ADAMTS7: variants seen among roughly 807,000 people sequenced by gnomAD.
The protein encoded by ADAMTS7 is ADAM metallopeptidase with thrombospondin type 1 motif 7, also known as A disintegrin and metalloproteinase with thrombospondin motifs 7.
In ADAMTS7, 89 loss-of-function variants were observed where a neutral mutation model predicts 172.6. That is an observed-to-expected ratio of 0.52 (90% CI 0.43 to 0.61). ADAMTS7 has a LOEUF of 0.61. Ranked by LOEUF, ADAMTS7 falls within the 20% of genes least tolerant of loss-of-function variation. The pLI is 0.00. For synonymous variants in ADAMTS7, 885 were observed against 978.4 expected (o/e 0.90, Z 1.78); for missense variants, 1,973 against 2,355.6 (o/e 0.84, Z 3.36).
At chr15:78,778,521 C>T (rs994667612) in intron 8 of ADAMTS7, among the ~76,000 whole-genome samples, 1 of 152,224 alleles carries the variant, frequency 6.6e-6, no homozygotes, top group African/African-American at 2.4e-5. Flanking sequence ...TGGCTCATTG[C>T]TGTCCTGGAG....
chr15:78,783,603 TA>T (rs1446199831), intron 8 of ADAMTS7, among the ~76,000 whole-genome samples: 3 of 152,232 alleles, frequency 2.0e-5, no homozygotes, highest in East Asian at 1.9e-4. Context: ...ATGAAACAAA[TA>T]TTTTTTTAAA....
chr15:78,775,427 G>T (rs555241800), intron 11 of ADAMTS7, among the ~76,000 whole-genome samples: 56 of 152,188 alleles, frequency 3.7e-4, no homozygotes, highest in Admixed American at 7.8e-4. Flanking sequence ...AGGGCCCTGG[G>T]TGGGGCTGGC....
intron 2 of ADAMTS7, among the ~76,000 whole-genome samples, chr15:78,798,820 C>T (rs1481558861): frequency 6.6e-6 from 1 of 152,180 alleles, no homozygotes; most frequent in African/African-American, 2.4e-5. Flanking sequence ...GTTTTATGTC[C>T]CTCGGACTTC....
rs1238020012 is a variant in ADAMTS7, at chr15:78,771,114, C to T, written c.2518+48G>A. ...GGGAGCTGAAGCCAGTGTCCCTGTC[C>T]AGACACTAAGCCCCTGCAGGTGGGG... On this transcript the variant is annotated intron_variant, in intron 16 of 23. Transcript: ENST00000388820. This position sits in a 1 kb window ranked among gnomAD's most constrained non-coding sequence, Gnocchi z 4.9. The T allele has an allele frequency of 1.9e-6, 3 of 1,541,180 alleles. No homozygotes were observed. Among genetic ancestry groups the T allele is most frequent in the South Asian group, 1.2e-5 (1 of 83,154 alleles).
chr15:78,771,534 C>A lies in ADAMTS7; in HGVS notation c.2376+51G>T. On this transcript the variant is annotated intron_variant, in intron 15 of 23. Coordinates refer to ENST00000388820, the MANE Select transcript of ADAMTS7 (RefSeq NM_014272.5). This position sits in a 1 kb window ranked among gnomAD's most constrained non-coding sequence, Gnocchi z 4.9. ...GAGACCTGCCATGGAGGGTGCTGGG[C>A]CTGGGGACTCCGCCTCTGCTCCCCC... 6.4e-7 allele frequency: 1 copy of A among 1,555,506 alleles called. No homozygotes were observed. The highest frequency in any genetic ancestry group is 1.4e-5 in the African/African-American group (1 of 73,822).
intron 8 of ADAMTS7, among the ~76,000 whole-genome samples, chr15:78,782,034 G>T (rs1424929770): frequency 2.6e-5 from 4 of 151,966 alleles, no homozygotes; most frequent in Admixed American, 1.3e-4. Flanking sequence ...CCACAGTCTA[G>T]GTTCTTTTTT....
chr15:78,760,070 C>T (rs1223873777), intron 23 of ADAMTS7, among the ~76,000 whole-genome samples: 11 of 150,322 alleles, frequency 7.3e-5, no homozygotes, highest in Non-Finnish European at 1.5e-4. Context: ...AGGGGCTGTA[C>T]TCAGCCTCGG....
At chr15:78,811,029 G>C in intron 1 of ADAMTS7, 92 bp downstream of exon 1, 1 of 1,188,856 alleles carries the variant, frequency 8.4e-7, no homozygotes, top group Non-Finnish European at 1.1e-6. Context: ...GAGCCGGCGC[G>C]GGGTCCACAA....
At chr15:78,810,497 CG>C (rs1223220213) in intron 1 of ADAMTS7, 1 of 152,342 alleles carries the variant, frequency 6.6e-6, no homozygotes, top group Non-Finnish European at 1.5e-5. Context: ...AACCCATGGC[CG>C]GGAAAAGAAG....
In ADAMTS7 at chr15:78,766,783, T is replaced by C. The variant is rs768361957; in HGVS notation, c.3128A>G (p.Asn1043Ser). 1.1e-5 allele frequency: 17 copies of C among 1,610,454 alleles called. No individual in the cohort carries two copies. The highest frequency in any genetic ancestry group is 6.7e-5 in the East Asian group (3 of 44,884). Reference sequence around the variant, plus strand: ...CTCTGGAGCCTCCTCCTCAATGGCGTTGCCCATGGTGCCTGGCTTGGGTGA... The same window carrying C: ...CTCTGGAGCCTCCTCCTCAATGGCGCTGCCCATGGTGCCTGGCTTGGGTGA... ...ASSPKPGTMG[N>S]AIEEEAPELD... Residue 1043 changes from asparagine (N) to serine (S), a missense_variant, in exon 19 of 24, where the codon AAC (asparagine) becomes AGC (serine). Physicochemically the swap from Asn to Ser is conservative, Grantham distance 46 (BLOSUM62 1). Transcript: ENST00000388820.
At chr15:78,802,842 CA>C (rs2055743668) in intron 1 of ADAMTS7, among the ~76,000 whole-genome samples, 1 of 151,970 alleles carries the variant, frequency 6.6e-6, no homozygotes, top group South Asian at 2.1e-4. Flanking sequence ...ACTAAACATG[CA>C]AAAATTAGCC....
intron 11 of ADAMTS7, among the ~76,000 whole-genome samples, chr15:78,775,183 C>T (rs1432948834): frequency 9.2e-5 from 14 of 152,050 alleles, no homozygotes; most frequent in African/African-American, 3.4e-4. Flanking sequence ...CTCCGAGTCT[C>T]CAGCCCATGA....
intron 12 of ADAMTS7, 134 bp from the exon 13 acceptor site, chr15:78,774,434 G>A (rs1007670563): frequency 3.0e-5 from 42 of 1,377,996 alleles, no homozygotes; most frequent in Non-Finnish European, 4.0e-5. Context: ...TGGAGGCTCC[G>A]GCTGGGCTGA....
In ADAMTS7 at chr15:78,777,432, G is replaced by A. The variant is rs1374970417; in HGVS notation, c.1467+12C>T. Reference sequence around the variant, plus strand: ...GTCCCCACACCCCCACACCCACACCGGCCCCACTCACATCCATGTCCTCGC... The same window carrying A: ...GTCCCCACACCCCCACACCCACACCAGCCCCACTCACATCCATGTCCTCGC... On this transcript the variant is annotated intron_variant, in intron 9 of 23. Coordinates refer to ENST00000388820, the MANE Select transcript of ADAMTS7 (RefSeq NM_014272.5). 26 of 1,609,940 alleles carry A rather than the reference G, an allele frequency of 1.6e-5. No homozygotes were observed. Among genetic ancestry groups the A allele is most frequent in the Non-Finnish European group, 2.0e-5 (23 of 1,178,588 alleles).
At chr15:78,810,325 A>G (rs2055847968) in intron 1 of ADAMTS7, among the ~76,000 whole-genome samples, 1 of 152,360 alleles carries the variant, frequency 6.6e-6, no homozygotes, top group South Asian at 2.1e-4. Flanking sequence ...GAGCTCCCTG[A>G]GCACCGGGCC....
rs528774660 is a variant in ADAMTS7, at chr15:78,766,340, C to T, written c.3571G>A (p.Glu1191Lys). 6.2e-7 allele frequency: 1 copy of T among 1,610,948 alleles called. No homozygotes were observed. The highest frequency in any genetic ancestry group is 8.5e-7 in the Non-Finnish European group (1 of 1,179,924). Reference sequence around the variant, plus strand: ...CCAACTGGGAAATCATTTTGGCTCTCAGGGGTGGCAGGTGTCTGCAGGCCA... The same window carrying T: ...CCAACTGGGAAATCATTTTGGCTCTTAGGGGTGGCAGGTGTCTGCAGGCCA... ...TDGLQTPATP[E>K]SQNDFPVGKD... is the part of the protein sequence containing the mutation. Residue 1191 changes from glutamate (E) to lysine (K), a missense_variant, in exon 19 of 24, where the codon GAG (glutamate) becomes AAG (lysine). By Grantham distance (56) the Glu-to-Lys change is moderately conservative. This residue lies in a region of ADAMTS7 where 771 missense variants were observed against 952.6 expected (regional missense o/e 0.81). Coordinates refer to ENST00000388820, the MANE Select transcript of ADAMTS7 (RefSeq NM_014272.5).
chr15:78,761,031 T>C (rs980566950), intron 23 of ADAMTS7, among the ~76,000 whole-genome samples: 16 of 152,132 alleles, frequency 1.1e-4, no homozygotes, highest in African/African-American at 3.6e-4. Flanking sequence ...GTGAGAGACG[T>C]GGTGCCAGCA....
intron 8 of ADAMTS7, among the ~76,000 whole-genome samples, chr15:78,778,073 C>A (rs2055378066): frequency 6.6e-6 from 1 of 152,232 alleles, no homozygotes; most frequent in South Asian, 2.1e-4. Flanking sequence ...AGCAGCCCCT[C>A]CCCTGGGAGA....
chr15:78,782,846 A>G (rs1468418928), intron 8 of ADAMTS7, among the ~76,000 whole-genome samples: 1 of 151,992 alleles, frequency 6.6e-6, no homozygotes, highest in African/African-American at 2.4e-5. Flanking sequence ...CCCCTCCCCA[A>G]CCCTGAGTAG....
Sources: gnomAD v4.1 joint callset for allele counts (sites outside exome capture counted in the v4.1 genomes callset) on GRCh38, gnomAD v4.1.1 for gene constraint, gnomAD v4.1.1 regional missense constraint, Gnocchi (gnomAD v3.1) non-coding constraint, MANE v1.5 for transcripts, NCBI Gene and HGNC (gene_info 2026-07-23, HGNC 2026-07-21) for gene names.